Variants in KIAA1671 observed in about 807,000 individuals in gnomAD.
KIAA1671 encodes the protein uncharacterized protein KIAA1671.
Under a neutral mutation model 131.2 loss-of-function variants are expected in KIAA1671, and 52 were observed. The observed-to-expected ratio is 0.40, with a 90% CI of 0.32 to 0.50. The LOEUF is 0.50. KIAA1671 is among the 20% of genes least tolerant of loss of function. The pLI is 0.73. For synonymous variants in KIAA1671, 1,003 were observed against 961.6 expected, an observed-to-expected ratio of 1.04 and a Z score of -0.80; for missense variants, 2,360 against 2,364.2, an observed-to-expected ratio of 1.00 and a Z score of 0.04.
At chr22:25,026,445 C>T (rs1447079924) in intron 2 of KIAA1671, among the ~76,000 whole-genome samples, 2 of 152,106 alleles carry the variant, frequency 1.3e-5, no homozygotes, top group African/African-American at 4.8e-5. Flanking sequence ...AAAGACAGAG[C>T]TGAGGCTGGG....
chr22:25,135,640 C>G (rs1362782266), intron 6 of KIAA1671, among the ~76,000 whole-genome samples: 1 of 152,142 alleles, frequency 6.6e-6, no homozygotes, highest in Non-Finnish European at 1.5e-5. Flanking sequence ...GGAAATATGA[C>G]CTTTTAGATG....
At chr22:25,090,003 TGCGCTG>T (rs1210166089) in intron 6 of KIAA1671, among the ~76,000 whole-genome samples, 3 of 152,092 alleles carry the variant, frequency 2.0e-5, no homozygotes, top group Non-Finnish European at 4.4e-5. Context: ...AAGAGGGTGG[TGCGCTG>T]TCAGACATAA....
In KIAA1671 at chr22:25,193,456, C is replaced by T. The variant is rs770389781; in HGVS notation, c.*1055C>T. 3.9e-5 allele frequency: 6 copies of T among 152,220 alleles called. No individual in the cohort carries two copies. Among genetic ancestry groups the T allele is most frequent in the African/African-American group, 1.4e-4 (6 of 41,430 alleles). 9.4% of individuals were successfully genotyped at this position (152,220 alleles called of 1,614,324 possible). On this transcript the variant is annotated 3_prime_UTR_variant, in exon 13 of 13. Coordinates refer to ENST00000358431, the MANE Select transcript of KIAA1671 (RefSeq NM_001145206.2). ...TGGAGGAGTTGTTCCAAACTGGCCT[C>T]AGAACAGATGCATGAATGAAGGGTA...
intron 6 of KIAA1671, among the ~76,000 whole-genome samples, chr22:25,094,211 G>A (rs1282205979): frequency 7.2e-5 from 11 of 152,116 alleles, no homozygotes; most frequent in Non-Finnish European, 1.0e-4. Flanking sequence ...GTGGTTAAAC[G>A]GGAGCAGGGA....
chr22:25,110,764 A>G (rs927032945), intron 6 of KIAA1671, among the ~76,000 whole-genome samples: 4 of 152,184 alleles, frequency 2.6e-5, no homozygotes, highest in Non-Finnish European at 4.4e-5. Context: ...CTAGTACTCC[A>G]GCCCTGTAAG....
rs976937289 is a variant in KIAA1671, at chr22:25,147,710, A to T, written c.4531-23110A>T. 7.9e-5 allele frequency among the ~76,000 whole-genome samples: 12 copies of T among 151,816 alleles called. No individual in the cohort carries two copies. The East Asian group carries it at 2.1e-3, about 27-fold the overall frequency. ...TCTTCAGCCCCTCTTTCCCTGCCTC[A>T]TTTTTCTCCACAGCAGGTATCACCT... On this transcript the variant is annotated intron_variant, in intron 6 of 12. Coordinates refer to ENST00000358431, the MANE Select transcript of KIAA1671 (RefSeq NM_001145206.2).
chr22:25,148,774 C>T (rs948098510), intron 6 of KIAA1671, among the ~76,000 whole-genome samples: 2 of 152,188 alleles, frequency 1.3e-5, no homozygotes, highest in South Asian at 4.1e-4. Flanking sequence ...CCTGCCCTGA[C>T]CTTGAGTCTT....
At chr22:25,026,810 G>A (rs751532010) in intron 2 of KIAA1671, among the ~76,000 whole-genome samples, 32 of 152,100 alleles carry the variant, frequency 2.1e-4, no homozygotes, top group Middle Eastern at 3.4e-3. Flanking sequence ...CAAGTCTGGC[G>A]ACCTCTCTGG....
At chr22:24,989,509 A>C (rs1459530265) in intron 1 of KIAA1671, among the ~76,000 whole-genome samples, 1 of 151,942 alleles carries the variant, frequency 6.6e-6, no homozygotes, top group African/African-American at 2.4e-5. Context: ...CAGTCTCTTC[A>C]CTGCTGTAAC....
intron 4 of KIAA1671, among the ~76,000 whole-genome samples, chr22:25,038,397 G>A (rs2076120): frequency 0.051 from 7,819 of 152,300 alleles, 240 homozygotes; most frequent in East Asian, 0.12. Flanking sequence ...TGAGCATTCA[G>A]GTTGTTTCTG....
At chr22:25,067,899 C>T (rs149778061) in intron 6 of KIAA1671, among the ~76,000 whole-genome samples, 414 of 152,386 alleles carry the variant, frequency 2.7e-3, no homozygotes, top group Non-Finnish European at 4.1e-3. Flanking sequence ...CCTCAGTTAG[C>T]GGGGCCTAAC....
chr22:25,138,639 A>T (rs546712095), intron 6 of KIAA1671, among the ~76,000 whole-genome samples: 1 of 152,224 alleles, frequency 6.6e-6, no homozygotes, highest in Non-Finnish European at 1.5e-5. Context: ...TGATTTTGAT[A>T]TATTCATTCA....
intron 6 of KIAA1671, among the ~76,000 whole-genome samples, chr22:25,170,073 C>T (rs1431687826): frequency 3.3e-5 from 5 of 152,088 alleles, no homozygotes; most frequent in Non-Finnish European, 7.4e-5. Flanking sequence ...GCCACCACAC[C>T]CAGCTAATTT....
chr22:24,992,086 G>T (rs184695391), intron 1 of KIAA1671, among the ~76,000 whole-genome samples: 1 of 152,122 alleles, frequency 6.6e-6, no homozygotes, highest in East Asian at 1.9e-4. Flanking sequence ...GGCAGACACC[G>T]CCCTTGGCAT....
intron 1 of KIAA1671, among the ~76,000 whole-genome samples, chr22:24,977,171 AC>A (rs1267758324): frequency 6.6e-6 from 1 of 152,108 alleles, no homozygotes; most frequent in Non-Finnish European, 1.5e-5. Context: ...AATTATACTC[AC>A]GTTTCCACGA....
intron 1 of KIAA1671, among the ~76,000 whole-genome samples, chr22:24,980,270 ATT>A (rs59392276): frequency 2.2e-4 from 26 of 119,158 alleles, no homozygotes; most frequent in Admixed American, 3.4e-4. Context: ...AGTTTCTTTG[ATT>A]TTTTTTTTTT....
chr22:24,991,545 C>T (rs1923839978), intron 1 of KIAA1671, among the ~76,000 whole-genome samples: 1 of 151,514 alleles, frequency 6.6e-6, no homozygotes, highest in South Asian at 2.1e-4. Context: ...CAAGCTGTAC[C>T]TCTGGGGTTC....
intron 6 of KIAA1671, among the ~76,000 whole-genome samples, chr22:25,145,705 G>A (rs1489262541): frequency 2.0e-5 from 3 of 152,170 alleles, no homozygotes; most frequent in African/African-American, 7.2e-5. Context: ...TTGGGAAGCC[G>A]AGGCGGGTGG....
At chr22:25,010,811 G>A (rs1375243731) in intron 1 of KIAA1671, 2 of 152,202 alleles carry the variant, frequency 1.3e-5, no homozygotes, top group Admixed American at 1.3e-4. Context: ...AAATCAAGAG[G>A]AGAGTAGTTC....
Sources: gnomAD v4.1 joint callset for allele counts (sites outside exome capture counted in the v4.1 genomes callset) on GRCh38, gnomAD v4.1.1 for gene constraint, MANE v1.5 for transcripts, NCBI Gene and HGNC (gene_info 2026-07-23, HGNC 2026-07-21) for gene names.